Variants in PHKA1 observed in about 807,000 individuals in gnomAD.
PHKA1 encodes phosphorylase b kinase regulatory subunit alpha, skeletal muscle isoform.
A neutral mutation model predicts 110.2 loss-of-function variants in PHKA1; 60 were observed. That is an observed-to-expected ratio of 0.54 (90% CI 0.44 to 0.68). PHKA1 has a LOEUF of 0.68. PHKA1 is among the 30% of genes least tolerant of loss of function. The pLI is 0.00. For synonymous variants in PHKA1, 316 were observed against 333.6 expected (o/e 0.95, Z 0.58); for missense variants, 801 against 942.5 (o/e 0.85, Z 1.97).
intron 11 of PHKA1, 152 bp from the exon 12 acceptor site, chrX:72,652,803 G>C (rs1556299596): frequency 2.1e-6 from 1 of 483,339 alleles, no homozygotes; most frequent in Non-Finnish European, 3.7e-6. Flanking sequence ...ATCTAGGGCA[G>C]TGCTCCCCAA....
chrX:72,596,074 G>T (rs1277730457), intron 28 of PHKA1, among the ~76,000 whole-genome samples: 3 of 111,987 alleles, frequency 2.7e-5, no homozygotes, highest in Non-Finnish European at 5.6e-5. Context: ...AATGGCAAAA[G>T]AAAATCTGGT....
intron 16 of PHKA1, among the ~76,000 whole-genome samples, chrX:72,633,152 T>C (rs1179131851): frequency 9.0e-6 from 1 of 111,720 alleles, no homozygotes; most frequent in Non-Finnish European, 1.9e-5. Context: ...TGCAGCAACA[T>C]TTACCTAGTG....
chrX:72,638,092 A>G (rs1243636808), intron 14 of PHKA1, among the ~76,000 whole-genome samples: 10 of 111,473 alleles, frequency 9.0e-5, no homozygotes, highest in African/African-American at 1.3e-4. Context: ...TCTGTATCCT[A>G]TAAGTTTGCT....
At chrX:72,682,664 T>G (rs1401668202) in intron 5 of PHKA1, among the ~76,000 whole-genome samples, 2 of 100,719 alleles carry the variant, frequency 2.0e-5, no homozygotes, top group Non-Finnish European at 4.0e-5. Context: ...CTGTGTCCAC[T>G]CAGGGTTAAA....
intron 21 of PHKA1, among the ~76,000 whole-genome samples, chrX:72,611,559 C>T (rs1349573664): frequency 9.0e-6 from 1 of 111,603 alleles, no homozygotes; most frequent in Non-Finnish European, 1.9e-5. Context: ...GATAATTTCC[C>T]TTATATATAA....
intron 6 of PHKA1, among the ~76,000 whole-genome samples, chrX:72,670,808 C>T (rs868963721): frequency 4.4e-4 from 49 of 111,964 alleles, no homozygotes; most frequent in African/African-American, 1.5e-3. Flanking sequence ...CGCAATCCAG[C>T]ATATAAACAG....
At chrX:72,584,835 T>C (rs1174798219) in intron 29 of PHKA1, among the ~76,000 whole-genome samples, 1 of 108,284 alleles carries the variant, frequency 9.2e-6, no homozygotes, top group East Asian at 3.0e-4. Context: ...ATGTGCCATG[T>C]GGGTGTGCTG....
chrX:72,674,734 G>A (rs1255839377), intron 6 of PHKA1, among the ~76,000 whole-genome samples: 6 of 111,742 alleles, frequency 5.4e-5, no homozygotes, highest in African/African-American at 2.0e-4. Flanking sequence ...TATGTACAAG[G>A]ATCTTCACTA....
intron 8 of PHKA1, among the ~76,000 whole-genome samples, chrX:72,657,870 C>A (rs1556302174): frequency 8.9e-6 from 1 of 111,822 alleles, no homozygotes; most frequent in African/African-American, 3.3e-5. Context: ...GGCAAAGTGA[C>A]AGGCTCTTCA....
chrX:72,603,203 C>T lies in PHKA1; in HGVS notation c.2833G>A (p.Gly945Ser). 2 of 1,198,245 alleles carry T rather than the reference C, an allele frequency of 1.7e-6. No individual in the cohort carries two copies. Among genetic ancestry groups the T allele is most frequent in the Non-Finnish European group, 1.1e-6 (1 of 883,874 alleles). The change falls in exon 26 of 32, where the codon GGC (glycine) becomes AGC (serine). Residue 945 changes from glycine (G) to serine (S), a missense_variant. Gly to Ser is a moderately conservative substitution (Grantham distance 56). Coordinates refer to ENST00000373542, the MANE Select transcript of PHKA1 (RefSeq NM_002637.4). ...LRCSAEEATE[G>S]LMNLSPSAMK... Reference sequence around the variant, plus strand: ...GCCGAAGGACTGAGATTCATCAGGCCCTCTGTGGCTTCCTCAGCTAGTCAG... The same window carrying T: ...GCCGAAGGACTGAGATTCATCAGGCTCTCTGTGGCTTCCTCAGCTAGTCAG...
intron 4 of PHKA1, among the ~76,000 whole-genome samples, chrX:72,689,305 T>A (rs2054006295): frequency 8.9e-6 from 1 of 112,070 alleles, no homozygotes; most frequent in African/African-American, 3.3e-5. Flanking sequence ...CTTGTGCCCC[T>A]TAGCAGTCAC....
chrX:72,684,617 A>T (rs372659101), intron 4 of PHKA1, 37 bp from the exon 5 acceptor site: 1 of 859,694 alleles, frequency 1.2e-6, no homozygotes, highest in African/African-American at 2.0e-5. Context: ...GAACTGGTCA[A>T]TTATCACTAT....
intron 4 of PHKA1, among the ~76,000 whole-genome samples, chrX:72,689,296 T>C (rs1556320040): frequency 8.9e-5 from 10 of 112,085 alleles, no homozygotes; most frequent in Non-Finnish European, 1.9e-5. Context: ...AAAAGAAACC[T>C]TGTGCCCCTT....
Position 72,602,149 on chromosome X carries a change from G to A in PHKA1, c.3033+9C>T. ...AATATCCCAGCTAATCTCCCAGGTA[G>A]TATCTTACCTGCTTTATCTCACTTT... On this transcript the variant is annotated intron_variant, in intron 27 of 31. Transcript: ENST00000373542. 2 of 1,133,248 alleles carry A rather than the reference G, an allele frequency of 1.8e-6. No homozygotes were observed. The highest frequency in any genetic ancestry group is 2.4e-6 in the Non-Finnish European group (2 of 824,473). 93.4% of individuals were successfully genotyped at this position (1,133,248 alleles called of 1,213,427 possible).
intron 4 of PHKA1, 76 bp downstream of exon 4, chrX:72,695,632 T>C (rs1425840031): frequency 9.6e-7 from 1 of 1,044,245 alleles, no homozygotes; most frequent in Non-Finnish European, 1.3e-6. Context: ...TTCCCGGTTC[T>C]CAATTTAAAA....
intron 2 of PHKA1, among the ~76,000 whole-genome samples, chrX:72,706,144 T>C (rs1272297881): frequency 8.9e-6 from 1 of 112,055 alleles, no homozygotes; most frequent in Non-Finnish European, 1.9e-5. Flanking sequence ...ATAGTCATGA[T>C]AAGGATAAGT....
chrX:72,644,314 C>T, intron 14 of PHKA1, 48 bp downstream of exon 14: 1 of 1,178,051 alleles, frequency 8.5e-7, no homozygotes, highest in Non-Finnish European at 1.2e-6. Context: ...GGAAACCAGC[C>T]TATAATGAAT....
At chrX:72,685,993 T>C (rs1205109008) in intron 4 of PHKA1, among the ~76,000 whole-genome samples, 2 of 111,908 alleles carry the variant, frequency 1.8e-5, no homozygotes, top group Non-Finnish European at 3.8e-5. Context: ...TGCTGAACAG[T>C]GGGCATATCT....
At chrX:72,604,572 G>A (rs2052701651) in intron 25 of PHKA1, among the ~76,000 whole-genome samples, 1 of 111,609 alleles carries the variant, frequency 9.0e-6, no homozygotes, top group South Asian at 3.7e-4. Context: ...TTAACAGAAA[G>A]AATGGCTAAA....
Sources: gnomAD v4.1 joint callset for allele counts (sites outside exome capture counted in the v4.1 genomes callset) on GRCh38, gnomAD v4.1.1 for gene constraint, MANE v1.5 for transcripts, NCBI Gene and HGNC (gene_info 2026-07-23, HGNC 2026-07-21) for gene names.